The following WNK2 variants were observed in gnomAD, a reference collection of about 807,000 sequenced individuals.
WNK2 encodes serine/threonine-protein kinase WNK2.
A neutral mutation model predicts 192.1 loss-of-function variants in WNK2; 67 were observed. The ratio of observed to expected loss-of-function variants is 0.35; its 90% confidence interval spans 0.29 to 0.43. WNK2 has a LOEUF of 0.43. Among genes scored for constraint, WNK2 ranks in the 20% least tolerant of loss-of-function variants. The pLI, the probability that WNK2 is intolerant of heterozygous loss-of-function variation, is 1.00. For synonymous variants in WNK2, 1,439 were observed against 1,393.9 expected (o/e 1.03, Z -0.72); for missense variants, 2,698 against 3,089.7 (o/e 0.87, Z 3.01).
At chr9:93,290,518 C>G (rs1056651081) in intron 21 of WNK2, among the ~76,000 whole-genome samples, 1 of 152,158 alleles carries the variant, frequency 6.6e-6, no homozygotes, top group Non-Finnish European at 1.5e-5. Context: ...GAGATGAAGT[C>G]CTCTGGGGAA....
In WNK2 at chr9:93,247,787, A is replaced by G; in HGVS notation, c.1787A>G (p.Gln596Arg). 6.5e-7 allele frequency: 1 copy of G among 1,547,504 alleles called. No individual in the cohort carries two copies. Among genetic ancestry groups the G allele is most frequent in the Non-Finnish European group, 8.7e-7 (1 of 1,148,558 alleles). ...PPEPEEPEAD[Q>R]HLLPPTLPTS... The stretch of plus-strand genomic sequence containing the variant: ...GAGCCCGAGGAGCCGGAGGCCGACC[A>G]GCACCTCCTGCCACCTACGTTGCCG... Residue 596 changes from glutamine to arginine, a missense_variant, in exon 8 of 30, where the codon CAG (glutamine) becomes CGG (arginine). Around this residue, in one of 7 missense-constraint regions of WNK2, gnomAD observed 893 missense variants for 909.0 expected, o/e 0.98. Transcript: ENST00000427277. The surrounding 1 kb of genome is among the most constrained non-coding windows in gnomAD (Gnocchi z 5.2).
At chr9:93,223,561 C>T (rs750576047) in intron 2 of WNK2, among the ~76,000 whole-genome samples, 1 of 152,232 alleles carries the variant, frequency 6.6e-6, no homozygotes, top group Non-Finnish European at 1.5e-5. Context: ...CCAGAGCCTC[C>T]GTGACTGAGC....
At position 93,269,037 on chromosome 9, in the gene WNK2, A is replaced by G. The variant is rs1291514229; in HGVS notation, c.4033+291A>G. 4.0e-6 allele frequency: 5 copies of G among 1,241,182 alleles called. No individual in the cohort carries two copies. The East Asian group carries it at 7.6e-5, about 19-fold the overall frequency. 76.9% of individuals were successfully genotyped at this position (1,241,182 alleles called of 1,614,324 possible). On this transcript the variant is annotated intron_variant, in intron 19 of 29. Transcript: ENST00000427277. ...TGAAGAGCTCCGCTGTCCTTCCTTC[A>G]CAGTGTTAACCTGGCAACTCCTTGC...
intron 19 of WNK2, among the ~76,000 whole-genome samples, chr9:93,279,524 G>A (rs564150624): frequency 6.6e-6 from 1 of 152,274 alleles, no homozygotes; most frequent in African/African-American, 2.4e-5. Context: ...CAGAGCCAAT[G>A]AGCTGCAGTC....
At chr9:93,279,002 A>G (rs901321913) in intron 19 of WNK2, among the ~76,000 whole-genome samples, 7 of 152,218 alleles carry the variant, frequency 4.6e-5, no homozygotes, top group African/African-American at 1.4e-4. Context: ...GGAATATACA[A>G]AATCCTACAG....
intron 19 of WNK2, among the ~76,000 whole-genome samples, chr9:93,270,583 C>A (rs1194443956): frequency 6.6e-6 from 1 of 152,186 alleles, no homozygotes; most frequent in Non-Finnish European, 1.5e-5. Flanking sequence ...CCTGGTCTGA[C>A]TGAAGTACAG....
At chr9:93,290,101 C>A in intron 21 of WNK2, 54 bp downstream of exon 21, 1 of 1,487,700 alleles carries the variant, frequency 6.7e-7, no homozygotes, top group African/African-American at 1.4e-5. Flanking sequence ...GGCTTCCTTG[C>A]CCCAGAACCT....
chr9:93,228,203 G>A (rs1242483026), intron 2 of WNK2, among the ~76,000 whole-genome samples: 1 of 152,186 alleles, frequency 6.6e-6, no homozygotes, highest in African/African-American at 2.4e-5. Flanking sequence ...GGTGTGTGCT[G>A]TGGGGAGGGG....
intron 26 of WNK2, among the ~76,000 whole-genome samples, chr9:93,304,980 C>T (rs1433061086): frequency 2.2e-4 from 34 of 152,164 alleles, no homozygotes; most frequent in East Asian, 1.9e-4. Flanking sequence ...GAGCAGGTGC[C>T]GTGTCCTCCA....
In WNK2 at chr9:93,185,065, G is replaced by C. The variant is rs993317808; in HGVS notation, c.136G>C (p.Val46Leu). 4.6e-6 allele frequency: 6 copies of C among 1,312,016 alleles called. No homozygotes were observed. The African/African-American group carries it at 6.2e-5, about 14-fold the overall frequency. The allele number at this position is 1,312,016 out of a possible 1,614,324, so 81.3% of individuals were successfully genotyped here. A position where few individuals can be genotyped will look rare whatever the true frequency, so the allele number is the denominator to read the frequency against. The change falls in exon 2 of 30, where the codon GTG becomes CTG. Residue 46 changes from valine to leucine, a missense_variant. This residue lies in a region of WNK2 where 260 missense variants were observed against 285.6 expected (regional missense o/e 0.91). Transcript: ENST00000427277. ...PGPQRFLRRS[V>L]VESDQEEPPG... The stretch of plus-strand genomic sequence containing the variant: ...GCCCCAGCGCTTTCTGCGGCGCAGC[G>C]TGGTAGAGTCGGACCAGGAGGAGCC...
At chr9:93,200,903 CAAAT>C (rs1305620648) in intron 2 of WNK2, among the ~76,000 whole-genome samples, 1 of 151,892 alleles carries the variant, frequency 6.6e-6, no homozygotes, top group African/African-American at 2.4e-5. Context: ...CCGCTAGAAA[CAAAT>C]GAAACAGAAG....
intron 29 of WNK2, chr9:93,319,050 G>A (rs1855192688): frequency 6.3e-7 from 1 of 1,594,216 alleles, no homozygotes; most frequent in East Asian, 2.2e-5. Context: ...TCTGTTCTCT[G>A]TACTGGGCCC....
At position 93,259,552 on chromosome 9, in the gene WNK2, C is replaced by T; in HGVS notation, c.3004C>T (p.Pro1002Ser). ...CCCGCAGCCGGCACTGCCTGTGCGC[C>T]CTGAGCCCCTCCAGCCCCACCTTCC... is the stretch of plus-strand genomic sequence containing the variant. ...LPPQPALPVR[P>S]EPLQPHLPEQ... Residue 1002 changes from proline to serine, a missense_variant, in exon 12 of 30, where the codon CCT becomes TCT. Around this residue, in one of 7 missense-constraint regions of WNK2, gnomAD observed 893 missense variants for 909.0 expected, o/e 0.98. Transcript: ENST00000427277. This position sits in a 1 kb window ranked among gnomAD's most constrained non-coding sequence, Gnocchi z 4.8. 1 of 1,594,800 alleles carries T rather than the reference C, an allele frequency of 6.3e-7. No homozygotes were observed. Among genetic ancestry groups the T allele is most frequent in the Non-Finnish European group, 8.5e-7 (1 of 1,177,170 alleles).
At chr9:93,319,886 T>C (rs7025611) in intron 29 of WNK2, among the ~76,000 whole-genome samples, 140,877 of 152,250 alleles carry the variant, frequency 0.93, 65,606 homozygotes, top group East Asian at 1. Flanking sequence ...GAGCTGACTG[T>C]GGTCCCTCCT....
chr9:93,188,435 C>T (rs898150257), intron 2 of WNK2, among the ~76,000 whole-genome samples: 1 of 152,220 alleles, frequency 6.6e-6, no homozygotes, highest in African/African-American at 2.4e-5. Flanking sequence ...CATCGAAGGG[C>T]AGTGAGGTGT....
Position 93,218,026 on chromosome 9 carries a change from G to A in WNK2, c.682-11670G>A, listed in dbSNP as rs561136423. Among the ~76,000 whole-genome samples the A allele has an allele frequency of 7.2e-5, 11 of 152,058 alleles. No homozygotes were observed. In the East Asian group the frequency reaches 9.7e-4, roughly 13 times the overall value. Reference sequence around the variant, plus strand: ...CAGGTCTGGGTATTTCCCTACGTTGGGGGGGTGGGGTGGGGGGAAGGGCCT... The same window carrying A: ...CAGGTCTGGGTATTTCCCTACGTTGAGGGGGTGGGGTGGGGGGAAGGGCCT... On this transcript the variant is annotated intron_variant, in intron 2 of 29. Coordinates refer to ENST00000427277, the MANE Select transcript of WNK2 (RefSeq NM_006648.4).
In WNK2 at chr9:93,263,749, C is replaced by T. The variant is rs759823007; in HGVS notation, c.3579+15C>T. ...CCATCTTGAACGTGAGTGGGCGGGG[C>T]GTGGCGGGGGTGTGGTGGGGGTGGG... On this transcript the variant is annotated intron_variant, in intron 15 of 29. Transcript: ENST00000427277. 617 of 1,048,402 alleles carry T rather than the reference C, an allele frequency of 5.9e-4. No individual in the cohort carries two copies. The highest frequency in any genetic ancestry group is 8.0e-4 in the Admixed American group (31 of 38,732). The allele number at this position is 1,048,402 out of a possible 1,614,324, so 64.9% of individuals were successfully genotyped here.
At position 93,262,007 on chromosome 9, in the gene WNK2, C is replaced by T. The variant is rs773674976; in HGVS notation, c.3260C>T (p.Thr1087Ile). The T allele has an allele frequency of 3.1e-6, 5 of 1,611,792 alleles. No homozygotes were observed. Among genetic ancestry groups the T allele is most frequent in the South Asian group, 1.1e-5 (1 of 90,978 alleles). ...TCTGTGCAGAGTGTGCCCACCCAGA[C>T]TGCCACACTTCTGCCACCAGCAAAC... ...SASVQSVPTQ[T>I]ATLLPPANPP... Residue 1087 changes from threonine (T) to isoleucine (I), a missense_variant, in exon 13 of 30, where the codon ACT becomes ATT. Coordinates refer to ENST00000427277, the MANE Select transcript of WNK2 (RefSeq NM_006648.4).
intron 2 of WNK2, among the ~76,000 whole-genome samples, chr9:93,217,572 G>T (rs1176987668): frequency 6.6e-6 from 1 of 152,176 alleles, no homozygotes; most frequent in Non-Finnish European, 1.5e-5. Context: ...TCAGTTAATG[G>T]GATTGGGGTG....
Sources: gnomAD v4.1 joint callset for allele counts (sites outside exome capture counted in the v4.1 genomes callset) on GRCh38, gnomAD v4.1.1 for gene constraint, gnomAD v4.1.1 regional missense constraint, Gnocchi (gnomAD v3.1) non-coding constraint, MANE v1.5 for transcripts, NCBI Gene and HGNC (gene_info 2026-07-23, HGNC 2026-07-21) for gene names.